MAN1A1: variants seen among roughly 807,000 people sequenced by gnomAD.
MAN1A1 encodes the protein mannosyl-oligosaccharide 1,2-alpha-mannosidase IA.
Under a neutral mutation model 70.8 loss-of-function variants are expected in MAN1A1, and 29 were observed. That is an observed-to-expected ratio of 0.41 (90% CI 0.31 to 0.56). The LOEUF (loss-of-function observed/expected upper bound fraction) is 0.56. Ranked by LOEUF, MAN1A1 falls within the 20% of genes least tolerant of loss-of-function variation. MAN1A1 has a pLI of 0.29. For synonymous variants in MAN1A1, 349 were observed against 330.1 expected (o/e 1.06, Z -0.62); for missense variants, 747 against 841.3 (o/e 0.89, Z 1.39).
chr6:119,251,824 T>C (rs1008786480), intron 5 of MAN1A1, among the ~76,000 whole-genome samples: 1 of 152,224 alleles, frequency 6.6e-6, no homozygotes, highest in Admixed American at 6.5e-5. Flanking sequence ...GATATTAATA[T>C]TCTCAGTTAA....
intron 3 of MAN1A1, among the ~76,000 whole-genome samples, chr6:119,306,124 A>C (rs1000395636): frequency 6.6e-6 from 1 of 152,226 alleles, no homozygotes; most frequent in South Asian, 2.1e-4. Flanking sequence ...TTTTCAGTTA[A>C]AGTATAGAAA....
rs561469000 is a variant in MAN1A1 at position 119,314,380 on chromosome 6, CCG to C, written c.604-7390_604-7389del. Among the ~76,000 whole-genome samples, 339 of 152,280 alleles carry C rather than the reference CCG, an allele frequency of 2.2e-3. 1 individual carries two copies. Among genetic ancestry groups the C allele is most frequent in the South Asian group, 9.7e-3 (47 of 4,826 alleles). On this transcript the variant is annotated intron_variant, in intron 2 of 12. Coordinates refer to ENST00000368468, the MANE Select transcript of MAN1A1 (RefSeq NM_005907.4). ...CTGTCGTCATCATGGGTTATGGAGG[CCG>C]AGGCTGTAAAGGAGGAAGTGAATTA...
At chr6:119,336,747 A>G (rs1310950848) in intron 2 of MAN1A1, among the ~76,000 whole-genome samples, 1 of 152,186 alleles carries the variant, frequency 6.6e-6, no homozygotes, top group Non-Finnish European at 1.5e-5. Context: ...TTTTCATTTT[A>G]GTGTGGTACT....
intron 8 of MAN1A1, among the ~76,000 whole-genome samples, chr6:119,200,394 T>C (rs1290452128): frequency 6.6e-6 from 1 of 152,176 alleles, no homozygotes; most frequent in Non-Finnish European, 1.5e-5. Flanking sequence ...AGACATATTT[T>C]AGCATATGGA....
intron 6 of MAN1A1, among the ~76,000 whole-genome samples, chr6:119,221,689 G>A (rs1774365808): frequency 6.6e-6 from 1 of 152,070 alleles, no homozygotes; most frequent in Non-Finnish European, 1.5e-5. Context: ...CTGACCTCAA[G>A]TAATCTACCC....
chr6:119,321,918 C>T lies in MAN1A1; in HGVS notation c.604-14926G>A, dbSNP rs1773021417. Among the ~76,000 whole-genome samples the T allele has an allele frequency of 2.0e-5, 3 of 152,158 alleles. No homozygotes were observed. In the South Asian group the frequency reaches 6.2e-4, roughly 32 times the overall value. The stretch of plus-strand genomic sequence containing the variant: ...ACAGGCATGAGCCACCGCCCCGGCC[C>T]TGCAAATGTTTACTTTGAGCAATGG... On this transcript the variant is annotated intron_variant, in intron 2 of 12. Coordinates refer to ENST00000368468, the MANE Select transcript of MAN1A1 (RefSeq NM_005907.4).
intron 2 of MAN1A1, among the ~76,000 whole-genome samples, chr6:119,319,359 A>T (rs892867372): frequency 2.7e-5 from 4 of 147,820 alleles, no homozygotes; most frequent in Non-Finnish European, 4.5e-5. Context: ...AAAATGGTAA[A>T]AATAATAATA....
chr6:119,255,643 T>A (rs974032444), intron 5 of MAN1A1, among the ~76,000 whole-genome samples: 1 of 152,206 alleles, frequency 6.6e-6, no homozygotes, highest in Non-Finnish European at 1.5e-5. Context: ...ATGAGGAAAC[T>A]GAAGTTCAGA....
At chr6:119,334,445 T>C (rs1397689142) in intron 2 of MAN1A1, among the ~76,000 whole-genome samples, 1 of 152,248 alleles carries the variant, frequency 6.6e-6, no homozygotes, top group Non-Finnish European at 1.5e-5. Context: ...AGAACTTAAG[T>C]GTACCTCGTA....
chr6:119,287,160 A>G (rs1776397215), intron 5 of MAN1A1, among the ~76,000 whole-genome samples: 1 of 152,114 alleles, frequency 6.6e-6, no homozygotes, highest in African/African-American at 2.4e-5. Flanking sequence ...GTAGAGTAAC[A>G]GAAGGGTGGA....
intron 3 of MAN1A1, among the ~76,000 whole-genome samples, chr6:119,304,993 C>A (rs1447930266): frequency 6.6e-6 from 1 of 151,954 alleles, no homozygotes; most frequent in African/African-American, 2.4e-5. Context: ...GTAACAAGTT[C>A]CATTGTATTG....
At chr6:119,240,336 A>T (rs966391554) in intron 6 of MAN1A1, among the ~76,000 whole-genome samples, 1 of 152,158 alleles carries the variant, frequency 6.6e-6, no homozygotes, top group Non-Finnish European at 1.5e-5. Flanking sequence ...AGTATAGAAA[A>T]ATATTTTAAA....
rs533962239 is a variant in MAN1A1 at position 119,334,872 on chromosome 6, G to T, written c.603+13591C>A. Among the ~76,000 whole-genome samples the T allele has an allele frequency of 9.2e-5, 14 of 152,278 alleles. No homozygotes were observed. In the South Asian group the frequency reaches 2.9e-3, roughly 32 times the overall value. On this transcript the variant is annotated intron_variant, in intron 2 of 12. Transcript: ENST00000368468. Reference sequence around the variant, plus strand: ...AATTATTTCTTTCTATGCCCTGAAGGTATTTCTCCAGATTTCTTTATCCCT... The same window carrying T: ...AATTATTTCTTTCTATGCCCTGAAGTTATTTCTCCAGATTTCTTTATCCCT...
intron 5 of MAN1A1, among the ~76,000 whole-genome samples, chr6:119,274,723 TGAC>T (rs1369328376): frequency 6.6e-6 from 1 of 152,224 alleles, no homozygotes. Context: ...GAAGTGTATC[TGAC>T]TTTAGTTCAG....
In MAN1A1 at chr6:119,307,887, C is replaced by T. The variant is rs542714937; in HGVS notation, c.604-895G>A. The stretch of plus-strand genomic sequence containing the variant: ...CACACAAAGTTATAGATATTATTTA[C>T]GGGCCATTTACCACTCAAAATCTTC... On this transcript the variant is annotated intron_variant, in intron 2 of 12. Coordinates refer to ENST00000368468, the MANE Select transcript of MAN1A1 (RefSeq NM_005907.4). Among the ~76,000 whole-genome samples, 111 of 152,190 alleles carry T rather than the reference C, an allele frequency of 7.3e-4. No individual in the cohort carries two copies. The Middle Eastern group carries it at 0.01, about 14-fold the overall frequency.
chr6:119,251,848 C>T (rs533403950), intron 5 of MAN1A1, among the ~76,000 whole-genome samples: 8 of 152,308 alleles, frequency 5.3e-5, no homozygotes, highest in South Asian at 2.1e-4. Context: ...ACAGGAACAG[C>T]GGCCCCTTCC....
At chr6:119,257,404 T>A (rs1775489353) in intron 5 of MAN1A1, among the ~76,000 whole-genome samples, 1 of 152,056 alleles carries the variant, frequency 6.6e-6, no homozygotes, top group African/African-American at 2.4e-5. Context: ...GTGGAGAGAT[T>A]TCTGGGTCAT....
At chr6:119,220,338 T>G (rs1309617642) in intron 6 of MAN1A1, among the ~76,000 whole-genome samples, 1 of 151,866 alleles carries the variant, frequency 6.6e-6, no homozygotes, top group Non-Finnish European at 1.5e-5. Flanking sequence ...TTTTACTTGG[T>G]GAGTTTAAAG....
chr6:119,221,782 T>G (rs1213779311), intron 6 of MAN1A1, among the ~76,000 whole-genome samples: 1 of 152,114 alleles, frequency 6.6e-6, no homozygotes, highest in Non-Finnish European at 1.5e-5. Context: ...AACTTTATTT[T>G]TAATGAAAAA....
Sources: gnomAD v4.1 joint callset for allele counts (sites outside exome capture counted in the v4.1 genomes callset) on GRCh38, gnomAD v4.1.1 for gene constraint, MANE v1.5 for transcripts, NCBI Gene and HGNC (gene_info 2026-07-23, HGNC 2026-07-21) for gene names.